Variants in DIAPH1 observed in about 807,000 individuals in gnomAD.
DIAPH1 encodes the protein protein diaphanous homolog 1.
Under a neutral mutation model 140.7 loss-of-function variants are expected in DIAPH1, and 46 were observed. The observed-to-expected ratio is 0.33, with a 90% CI of 0.26 to 0.42. DIAPH1 has a LOEUF of 0.42. DIAPH1 is among the 10% of genes least tolerant of loss of function. The pLI is 1.00. For missense variants in DIAPH1, 1,310 were observed against 1,558.7 expected (o/e 0.84, Z 2.69); for synonymous variants, 565 against 551.6 (o/e 1.02, Z -0.34).
rs572605388 is a variant in DIAPH1, at chr5:141,605,692, C to T, written c.117+13106G>A. 5.3e-5 allele frequency among the ~76,000 whole-genome samples: 8 copies of T among 152,270 alleles called. No individual in the cohort carries two copies. In the East Asian group the frequency reaches 1.4e-3, roughly 26 times the overall value. The stretch of plus-strand genomic sequence containing the variant: ...CTTAATACCACTAGGCCTCAGTGTC[C>T]TCCTAATTTTAAGAGGCTGGGTCAG... On this transcript the variant is annotated intron_variant, in intron 1 of 27. Coordinates refer to ENST00000389054, the MANE Select transcript of DIAPH1 (RefSeq NM_005219.5).
intron 1 of DIAPH1, among the ~76,000 whole-genome samples, chr5:141,595,150 G>A (rs978435474): frequency 2.0e-5 from 3 of 152,166 alleles, no homozygotes; most frequent in Non-Finnish European, 4.4e-5. Context: ...GAGAACTGTG[G>A]TTGCCAAGGG....
intron 27 of DIAPH1, among the ~76,000 whole-genome samples, chr5:141,522,587 A>AAC (rs2099886719): frequency 6.6e-6 from 1 of 151,932 alleles, no homozygotes; most frequent in Non-Finnish European, 1.5e-5. Context: ...TCAAAAAAAA[A>AAC]AAAAAAAAAA....
intron 18 of DIAPH1, among the ~76,000 whole-genome samples, chr5:141,551,079 T>C (rs2099891612): frequency 6.6e-6 from 1 of 152,206 alleles, no homozygotes; most frequent in African/African-American, 2.4e-5. Context: ...AGAAAGTCGG[T>C]AGATTAAATA....
At position 141,593,692 on chromosome 5, in the gene DIAPH1, G is replaced by C. The variant is rs184298367; in HGVS notation, c.118-5442C>G. On this transcript the variant is annotated intron_variant, in intron 1 of 27. Coordinates refer to ENST00000389054, the MANE Select transcript of DIAPH1 (RefSeq NM_005219.5). ...AATGGCAAATAAACTTACGAAAGAA[G>C]CTCAACATCATATGTCATCAGGTAA... Among the ~76,000 whole-genome samples, 10 of 152,306 alleles carry C rather than the reference G, an allele frequency of 6.6e-5. No homozygotes were observed. In the East Asian group the frequency reaches 1.9e-3, roughly 29 times the overall value.
intron 1 of DIAPH1, among the ~76,000 whole-genome samples, chr5:141,615,825 G>A (rs138796756): frequency 5.6e-4 from 86 of 152,248 alleles, no homozygotes; most frequent in African/African-American, 2.0e-3. Context: ...TCACTTTCTC[G>A]ATTATATGAG....
rs2099890894 is a variant in DIAPH1, at chr5:141,546,996, G to C, written c.2483-12563C>G. Among the ~76,000 whole-genome samples the C allele has an allele frequency of 1.3e-5, 2 of 152,198 alleles. 1 individual carries two copies. The highest frequency in any genetic ancestry group is 4.1e-4 in the South Asian group (2 of 4,836). On this transcript the variant is annotated intron_variant, in intron 18 of 27. Coordinates refer to ENST00000389054, the MANE Select transcript of DIAPH1 (RefSeq NM_005219.5). ...CAAAATTACTAGTAATGTCAAAAGG[G>C]AGGATCATTTGCCCAAAGTTCAAGG...
intron 1 of DIAPH1, among the ~76,000 whole-genome samples, chr5:141,612,113 A>G (rs1463817811): frequency 3.9e-5 from 6 of 152,210 alleles, no homozygotes; most frequent in Admixed American, 6.5e-5. Flanking sequence ...ATACTGAGAT[A>G]TCATCACATA....
intron 1 of DIAPH1, among the ~76,000 whole-genome samples, chr5:141,597,719 G>T (rs1258610554): frequency 6.6e-6 from 1 of 152,194 alleles, no homozygotes; most frequent in Non-Finnish European, 1.5e-5. Flanking sequence ...ATCTGCTTTT[G>T]TTCTGGCTTT....
chr5:141,599,128 T>C (rs1277198391), intron 1 of DIAPH1, among the ~76,000 whole-genome samples: 5 of 152,110 alleles, frequency 3.3e-5, no homozygotes, highest in East Asian at 1.9e-4. Context: ...CAAAAGGTAA[T>C]TGGGTAGTTC....
At chr5:141,527,774 T>G in intron 23 of DIAPH1, 77 bp from the exon 24 acceptor site, 1 of 1,471,246 alleles carries the variant, frequency 6.8e-7, no homozygotes, top group Non-Finnish European at 9.1e-7. Flanking sequence ...TCAACACCCC[T>G]TAGTTTCACC....
chr5:141,549,144 G>A (rs1277089931), intron 18 of DIAPH1, among the ~76,000 whole-genome samples: 2 of 152,080 alleles, frequency 1.3e-5, no homozygotes, highest in Non-Finnish European at 2.9e-5. Context: ...TACTAAATAT[G>A]TGCTGCTTAT....
chr5:141,580,829 C>A lies in DIAPH1; in HGVS notation c.739G>T (p.Ala247Ser), dbSNP rs1346475035. The A allele has an allele frequency of 6.2e-7, 1 of 1,614,182 alleles. No individual in the cohort carries two copies. Among genetic ancestry groups the A allele is most frequent in the East Asian group, 2.2e-5 (1 of 44,874 alleles). Reference sequence around the variant, plus strand: ...ATGTTGGGAACAGCAGGATCCATGGCTCTGACCAGCAGTAGGATTCCTTCT... The same window carrying A: ...ATGTTGGGAACAGCAGGATCCATGGATCTGACCAGCAGTAGGATTCCTTCT... The part of the protein sequence containing the change: ...TEEGILLLVR[A>S]MDPAVPNMMI... The change falls in exon 8 of 28, where the codon GCC becomes TCC. Residue 247 changes from alanine to serine, a missense_variant. This residue lies in a region of DIAPH1 where 377 missense variants were observed against 497.1 expected (regional missense o/e 0.76). Coordinates refer to ENST00000389054, the MANE Select transcript of DIAPH1 (RefSeq NM_005219.5).
At chr5:141,597,869 G>A (rs575340451) in intron 1 of DIAPH1, among the ~76,000 whole-genome samples, 5 of 152,266 alleles carry the variant, frequency 3.3e-5, no homozygotes, top group African/African-American at 4.8e-5. Context: ...GAACTTTCCC[G>A]CTTTGACTTA....
intron 26 of DIAPH1, among the ~76,000 whole-genome samples, chr5:141,525,681 A>G (rs2099887227): frequency 1.3e-5 from 2 of 152,148 alleles, no homozygotes; most frequent in South Asian, 4.1e-4. Flanking sequence ...TCAGGAAAAT[A>G]TTTTACAGAA....
chr5:141,518,830 A>G (rs1156472007), intron 27 of DIAPH1: 5 of 1,038,468 alleles, frequency 4.8e-6, no homozygotes, highest in Admixed American at 2.0e-5. Flanking sequence ...CCAAAGCCCA[A>G]GTCTTAACCA....
chr5:141,592,719 G>A (rs1177435080), intron 1 of DIAPH1, among the ~76,000 whole-genome samples: 1 of 152,136 alleles, frequency 6.6e-6, no homozygotes, highest in Admixed American at 6.5e-5. Context: ...GCTGGCTGTG[G>A]TAAATATCTC....
intron 1 of DIAPH1, among the ~76,000 whole-genome samples, chr5:141,591,756 C>A (rs1418461292): frequency 8.2e-6 from 1 of 122,546 alleles, no homozygotes; most frequent in African/African-American, 3.3e-5. Flanking sequence ...CCCTTGCTTT[C>A]CTAGGGCATC....
chr5:141,570,118 T>C (rs2099894946), intron 18 of DIAPH1, among the ~76,000 whole-genome samples: 1 of 141,122 alleles, frequency 7.1e-6, no homozygotes, highest in Non-Finnish European at 1.5e-5. Context: ...CTAGAATTAA[T>C]AGGAATACAA....
At chr5:141,576,199 C>A in intron 14 of DIAPH1, 31 bp downstream of exon 14, 2 of 1,515,670 alleles carry the variant, frequency 1.3e-6, no homozygotes, top group East Asian at 2.2e-5. Context: ...AAGATATACT[C>A]AAACACATGT....
Sources: allele counts gnomAD v4.1 joint callset (sites outside exome capture counted in the v4.1 genomes callset), GRCh38; gene constraint gnomAD v4.1.1; regional missense constraint gnomAD v4.1.1; transcripts MANE v1.5; gene names NCBI Gene and HGNC (gene_info 2026-07-23, HGNC 2026-07-21).